The following DSCAM variants were observed in gnomAD, a reference collection of about 807,000 sequenced individuals.
The protein encoded by DSCAM is DS cell adhesion molecule.
A neutral mutation model predicts 217.7 loss-of-function variants in DSCAM; 47 were observed. The observed-to-expected ratio is 0.22, with a 90% CI of 0.17 to 0.28. The LOEUF is 0.28. Among genes scored for constraint, DSCAM ranks in the 10% least tolerant of loss-of-function variants. The probability of loss-of-function intolerance (pLI) is 1.00; values close to 1 mark genes in which losing one functional copy is unlikely to be tolerated. For missense variants in DSCAM, 2,080 were observed against 2,618.3 expected (o/e 0.79, Z 4.49); for synonymous variants, 1,056 against 1,015.3 (o/e 1.04, Z -0.76).
At chr21:40,047,647 G>T (rs1469557939) in intron 30 of DSCAM, among the ~76,000 whole-genome samples, 1 of 152,190 alleles carries the variant, frequency 6.6e-6, no homozygotes, top group African/African-American at 2.4e-5. Flanking sequence ...GCTTTCATCT[G>T]TGCCATTGGT....
chr21:40,517,700 A>G (rs886088848), intron 3 of DSCAM, among the ~76,000 whole-genome samples: 1 of 152,170 alleles, frequency 6.6e-6, no homozygotes, highest in Non-Finnish European at 1.5e-5. Flanking sequence ...AGCTGTGTAA[A>G]AAACCAAAGT....
At chr21:40,349,134 C>T (rs963545366) in intron 5 of DSCAM, among the ~76,000 whole-genome samples, 1 of 19,014 alleles carries the variant, frequency 5.3e-5, no homozygotes, top group African/African-American at 2.7e-4. Flanking sequence ...GAGACTCCAT[C>T]TCAAAAAAAA....
Position 40,419,173 on chromosome 21 carries a change from G to C in DSCAM, c.509-49928C>G, listed in dbSNP as rs529114998. Among the ~76,000 whole-genome samples the C allele has an allele frequency of 1.7e-4, 26 of 151,150 alleles. No homozygotes were observed. The South Asian group carries it at 5.2e-3, about 31-fold the overall frequency. ...TTTTTTTGTAGTTTTAGTAGAGATG[G>C]GGTTTCACTGTGTTAGCCAGGATGG... is the stretch of plus-strand genomic sequence containing the variant. On this transcript the variant is annotated intron_variant, in intron 3 of 32. Transcript: ENST00000400454.
At chr21:40,458,017 T>A (rs943244751) in intron 3 of DSCAM, among the ~76,000 whole-genome samples, 7 of 152,140 alleles carry the variant, frequency 4.6e-5, no homozygotes, top group African/African-American at 1.4e-4. Flanking sequence ...TTACATCAAA[T>A]TTAATAAAGT....
At chr21:40,539,354 G>A (rs1360159957) in intron 3 of DSCAM, among the ~76,000 whole-genome samples, 1 of 152,054 alleles carries the variant, frequency 6.6e-6, no homozygotes, top group Non-Finnish European at 1.5e-5. Context: ...AATTAGCCGG[G>A]CATGGTGGCA....
At chr21:40,408,783 T>C (rs949160650) in intron 3 of DSCAM, among the ~76,000 whole-genome samples, 2 of 152,226 alleles carry the variant, frequency 1.3e-5, no homozygotes, top group African/African-American at 4.8e-5. Flanking sequence ...ACATGTGCAG[T>C]GCAGTCACTG....
chr21:40,034,036 A>G (rs2088587292), intron 32 of DSCAM, among the ~76,000 whole-genome samples: 1 of 35,394 alleles, frequency 2.8e-5, no homozygotes, highest in Non-Finnish European at 5.8e-5. Context: ...GTACATCACC[A>G]TCATCAAAGA....
At chr21:40,052,516 G>A (rs2088949824) in intron 29 of DSCAM, among the ~76,000 whole-genome samples, 1 of 152,154 alleles carries the variant, frequency 6.6e-6, no homozygotes, top group African/African-American at 2.4e-5. Context: ...GGTCCCTTTG[G>A]CTGCTGGGAA....
At chr21:40,409,098 T>A (rs926337645) in intron 3 of DSCAM, among the ~76,000 whole-genome samples, 2 of 152,120 alleles carry the variant, frequency 1.3e-5, no homozygotes, top group Non-Finnish European at 2.9e-5. Flanking sequence ...TACCTAAGGG[T>A]GTATTTTCAA....
chr21:40,074,950 T>G (rs2146545157), intron 27 of DSCAM, 87 bp downstream of exon 27: 4 of 1,415,360 alleles, frequency 2.8e-6, no homozygotes, highest in South Asian at 1.3e-5. Context: ...CACTCCCTTT[T>G]GAGGTTTGTT....
chr21:40,377,037 C>T (rs190443086), intron 3 of DSCAM, among the ~76,000 whole-genome samples: 2 of 152,040 alleles, frequency 1.3e-5, no homozygotes, highest in African/African-American at 4.8e-5. Context: ...TCCAATGTGA[C>T]CGGTGTGTCC....
intron 20 of DSCAM, among the ~76,000 whole-genome samples, chr21:40,113,243 C>T (rs1351775175): frequency 6.6e-6 from 1 of 152,156 alleles, no homozygotes; most frequent in African/African-American, 2.4e-5. Context: ...CCCTGGGATG[C>T]AAGGCTGGTT....
chr21:40,019,073 T>C (rs1288322952), intron 32 of DSCAM, among the ~76,000 whole-genome samples: 1 of 152,258 alleles, frequency 6.6e-6, no homozygotes, highest in Non-Finnish European at 1.5e-5. Flanking sequence ...CGGTAAGCTC[T>C]GTTATTACAG....
intron 25 of DSCAM, among the ~76,000 whole-genome samples, chr21:40,079,856 A>G (rs1212027772): frequency 6.6e-6 from 1 of 152,172 alleles, no homozygotes; most frequent in Non-Finnish European, 1.5e-5. Flanking sequence ...CTGAGAGGGC[A>G]AGCGCCACGC....
At chr21:40,644,154 A>T (rs2089916396) in intron 3 of DSCAM, among the ~76,000 whole-genome samples, 1 of 152,212 alleles carries the variant, frequency 6.6e-6, no homozygotes, top group South Asian at 2.1e-4. Context: ...TGGCAGAGTG[A>T]GCAAAGCCAG....
At chr21:40,663,556 G>A (rs1028988592) in intron 3 of DSCAM, among the ~76,000 whole-genome samples, 1 of 152,166 alleles carries the variant, frequency 6.6e-6, no homozygotes, top group African/African-American at 2.4e-5. Context: ...TCATGGGCAT[G>A]AGACCAAGGT....
intron 19 of DSCAM, among the ~76,000 whole-genome samples, chr21:40,132,875 T>C (rs563836817): frequency 6.6e-6 from 1 of 152,190 alleles, no homozygotes; most frequent in South Asian, 2.1e-4. Flanking sequence ...GTGGGGGAGA[T>C]AGCATAGACA....
intron 3 of DSCAM, among the ~76,000 whole-genome samples, chr21:40,634,153 A>T (rs1352583611): frequency 6.6e-6 from 1 of 152,206 alleles, no homozygotes; most frequent in Non-Finnish European, 1.5e-5. Context: ...TGAACGGTTA[A>T]TGGAGGAGTA....
intron 3 of DSCAM, among the ~76,000 whole-genome samples, chr21:40,522,881 G>A (rs1230326335): frequency 6.6e-6 from 1 of 152,116 alleles, no homozygotes; most frequent in Non-Finnish European, 1.5e-5. Flanking sequence ...ATTGTCACAT[G>A]CGGTAGGAAT....
Sources: gnomAD v4.1 joint callset for allele counts (sites outside exome capture counted in the v4.1 genomes callset) on GRCh38, gnomAD v4.1.1 for gene constraint, MANE v1.5 for transcripts, NCBI Gene and HGNC (gene_info 2026-07-23, HGNC 2026-07-21) for gene names.